Variants in NKAIN3 observed in about 807,000 individuals in gnomAD.
NKAIN3 encodes the protein sodium/potassium transporting ATPase interacting 3.
Under a neutral mutation model 30.2 loss-of-function variants are expected in NKAIN3, and 25 were observed. The observed-to-expected ratio is 0.83, with a 90% confidence interval of 0.60 to 1.16. The LOEUF is 1.16. NKAIN3 is among the 50% of genes most tolerant of loss of function. The pLI is 0.00. For missense variants in NKAIN3, 225 were observed against 254.1 expected, an observed-to-expected ratio of 0.89 and a Z score of 0.78; for synonymous variants, 91 against 89.6, an observed-to-expected ratio of 1.02 and a Z score of -0.09.
intron 1 of NKAIN3, among the ~76,000 whole-genome samples, chr8:62,543,522 C>T (rs1048884266): frequency 6.6e-6 from 1 of 152,158 alleles, no homozygotes; most frequent in African/African-American, 2.4e-5. Context: ...CTATAAATCA[C>T]TTTGCAGAAC....
At chr8:62,740,552 G>T (rs1815831149) in intron 3 of NKAIN3, among the ~76,000 whole-genome samples, 1 of 151,994 alleles carries the variant, frequency 6.6e-6, no homozygotes, top group South Asian at 2.1e-4. Flanking sequence ...AAAAAAAGGA[G>T]ATTATTAAAA....
chr8:62,790,946 A>T (rs895405972), intron 4 of NKAIN3, among the ~76,000 whole-genome samples: 2 of 152,028 alleles, frequency 1.3e-5, no homozygotes, highest in Non-Finnish European at 2.9e-5. Context: ...GACCATCCCC[A>T]TAGCCTCAGC....
At chr8:62,356,418 A>G (rs1165072063) in intron 1 of NKAIN3, among the ~76,000 whole-genome samples, 1 of 152,108 alleles carries the variant, frequency 6.6e-6, no homozygotes, top group Non-Finnish European at 1.5e-5. Context: ...ACATTTGTTT[A>G]TGTATTTGTT....
At chr8:62,824,371 T>C (rs1206491740) in intron 4 of NKAIN3, among the ~76,000 whole-genome samples, 1 of 152,120 alleles carries the variant, frequency 6.6e-6, no homozygotes, top group Non-Finnish European at 1.5e-5. Context: ...TATCCATTAA[T>C]GTAACAGATA....
chr8:62,608,376 G>C lies in NKAIN3; in HGVS notation c.273+18582G>C, dbSNP rs545505242. 3.3e-5 allele frequency among the ~76,000 whole-genome samples: 5 copies of C among 152,270 alleles called. No individual in the cohort carries two copies. In the South Asian group the frequency reaches 1.0e-3, roughly 32 times the overall value. ...TAATAGAGATTAGTATTAGACCATAGCTCTGGTTTTGCCCAAATGTTTGTG... is the reference window on the plus strand; with the variant it reads ...TAATAGAGATTAGTATTAGACCATACCTCTGGTTTTGCCCAAATGTTTGTG... On this transcript the variant is annotated intron_variant, in intron 3 of 6. Coordinates refer to ENST00000623646, the MANE Select transcript of NKAIN3 (RefSeq NM_001304533.3).
intron 4 of NKAIN3, chr8:62,863,673 A>T: frequency 7.1e-7 from 1 of 1,405,094 alleles, no homozygotes; most frequent in Non-Finnish European, 1.0e-6. Flanking sequence ...CATTTGAGCA[A>T]TTTTATTTCA....
intron 4 of NKAIN3, among the ~76,000 whole-genome samples, chr8:62,824,072 T>A: frequency 6.6e-6 from 1 of 152,194 alleles, no homozygotes; most frequent in Admixed American, 6.5e-5. Context: ...TGAGCTGTGA[T>A]ATCCCTTCAA....
chr8:62,802,198 G>A (rs1336698050), intron 4 of NKAIN3, among the ~76,000 whole-genome samples: 2 of 152,194 alleles, frequency 1.3e-5, no homozygotes, highest in Non-Finnish European at 2.9e-5. Context: ...ACACAGTGCA[G>A]GATATTATCC....
At chr8:62,663,841 C>T (rs1813018455) in intron 3 of NKAIN3, among the ~76,000 whole-genome samples, 1 of 152,024 alleles carries the variant, frequency 6.6e-6, no homozygotes, top group South Asian at 2.1e-4. Context: ...TGCGTGATGC[C>T]CAGATGATCC....
intron 1 of NKAIN3, among the ~76,000 whole-genome samples, chr8:62,383,719 T>G (rs531388672): frequency 6.6e-6 from 1 of 152,302 alleles, no homozygotes; most frequent in East Asian, 1.9e-4. Context: ...TAATGACTGT[T>G]CTTTTTCTCA....
At chr8:62,917,625 T>C (rs1465995203) in intron 4 of NKAIN3, among the ~76,000 whole-genome samples, 4 of 152,210 alleles carry the variant, frequency 2.6e-5, no homozygotes, top group Non-Finnish European at 2.9e-5. Context: ...TATTTTATAA[T>C]GGGGTTAAAG....
intron 6 of NKAIN3, among the ~76,000 whole-genome samples, chr8:62,961,117 C>CA (rs1823559256): frequency 6.6e-6 from 1 of 151,656 alleles, no homozygotes; most frequent in Non-Finnish European, 1.5e-5. Context: ...TTGTCTCCAC[C>CA]AAAAAATAAA....
chr8:62,854,716 G>A (rs1347751903), intron 4 of NKAIN3, among the ~76,000 whole-genome samples: 2 of 152,170 alleles, frequency 1.3e-5, no homozygotes, highest in African/African-American at 4.8e-5. Flanking sequence ...GTATTGTTAG[G>A]TGTGGATTTG....
chr8:62,976,586 A>G lies in NKAIN3; in HGVS notation c.*11179A>G, dbSNP rs762104738. Among the ~76,000 whole-genome samples, 1 of 152,162 alleles carries G rather than the reference A, an allele frequency of 6.6e-6. No individual in the cohort carries two copies. The highest frequency in any genetic ancestry group is 1.9e-4 in the East Asian group (1 of 5,192). ...TTTGAGCCTATGTGTGTCTTTGCAC[A>G]TGAGATGGGTCTCGAATACAACACA... is the stretch of plus-strand genomic sequence containing the variant. On this transcript the variant is annotated 3_prime_UTR_variant, in exon 7 of 7. Coordinates refer to ENST00000623646, the MANE Select transcript of NKAIN3 (RefSeq NM_001304533.3).
chr8:62,248,990 G>T lies in NKAIN3; in HGVS notation c.-84G>T. On this transcript the variant is annotated 5_prime_UTR_variant, in exon 1 of 7. Transcript: ENST00000623646. Reference sequence around the variant, plus strand: ...CCGAGGAGCCTGGGCCGGGCCGGGCGGGGACTACTCCGGAGTCAGGAGGCA... The same window carrying T: ...CCGAGGAGCCTGGGCCGGGCCGGGCTGGGACTACTCCGGAGTCAGGAGGCA... 3.9e-6 allele frequency: 5 copies of T among 1,290,494 alleles called. No homozygotes were observed. The South Asian group carries it at 6.5e-5, about 17-fold the overall frequency. The allele number at this position is 1,290,494 out of a possible 1,614,324, so 79.9% of individuals were successfully genotyped here.
intron 4 of NKAIN3, among the ~76,000 whole-genome samples, chr8:62,795,206 G>A (rs1817824557): frequency 6.6e-6 from 1 of 152,110 alleles, no homozygotes. Context: ...CTTATCTGCT[G>A]CTAAAACCTT....
chr8:62,666,823 A>G (rs1302879958), intron 3 of NKAIN3, among the ~76,000 whole-genome samples: 2 of 152,136 alleles, frequency 1.3e-5, no homozygotes, highest in African/African-American at 4.8e-5. Flanking sequence ...TACCAAAGGA[A>G]AGGAGGCTTA....
At chr8:62,778,812 G>T (rs1057396350) in intron 4 of NKAIN3, among the ~76,000 whole-genome samples, 1 of 152,016 alleles carries the variant, frequency 6.6e-6, no homozygotes, top group South Asian at 2.1e-4. Flanking sequence ...CTGGGAATGT[G>T]CTGGGTCACA....
rs576879129 is a variant in NKAIN3, at chr8:62,622,113, G to A, written c.273+32319G>A. 2.0e-5 allele frequency among the ~76,000 whole-genome samples: 3 copies of A among 152,088 alleles called. No homozygotes were observed. The South Asian group carries it at 6.2e-4, about 32-fold the overall frequency. ...TAACTCTCCATAATTCTTCTTACAT[G>A]TATCAGTAGATCACTCCTTTTTATT... On this transcript the variant is annotated intron_variant, in intron 3 of 6. Transcript: ENST00000623646.
Sources: gnomAD v4.1 joint callset for allele counts (sites outside exome capture counted in the v4.1 genomes callset) on GRCh38, gnomAD v4.1.1 for gene constraint, MANE v1.5 for transcripts, NCBI Gene and HGNC (gene_info 2026-07-23, HGNC 2026-07-21) for gene names.